CDH8: variants seen among roughly 807,000 people sequenced by gnomAD.
CDH8 encodes the protein cadherin-8.
CDH8 carries 17 observed loss-of-function variants against 68.1 expected under a neutral mutation model. The ratio of observed to expected loss-of-function variants is 0.25; its 90% CI spans 0.17 to 0.37. CDH8 has a LOEUF of 0.37. Among genes scored for constraint, CDH8 ranks in the 10% least tolerant of loss-of-function variants. The probability of loss-of-function intolerance (pLI) is 1.00; values close to 1 mark genes in which losing one functional copy is unlikely to be tolerated. For missense variants in CDH8, 763 were observed against 999.3 expected (o/e 0.76, Z 3.19); for synonymous variants, 372 against 365.1 (o/e 1.02, Z -0.21).
intron 3 of CDH8, among the ~76,000 whole-genome samples, chr16:61,868,525 C>A (rs1174523391): frequency 2.0e-5 from 3 of 152,044 alleles, no homozygotes; most frequent in Non-Finnish European, 4.4e-5. Flanking sequence ...AGAGTTGAAC[C>A]CAGTCCCAAC....
chr16:61,837,978 G>T lies in CDH8; in HGVS notation c.668-12799C>A, dbSNP rs1264319806. Among the ~76,000 whole-genome samples the T allele has an allele frequency of 2.0e-5, 3 of 152,084 alleles. No homozygotes were observed. In the East Asian group the frequency reaches 5.8e-4, roughly 30 times the overall value. ...AAAAACACTTAGAACAGAAAGTGAG[G>T]TGGATGCTCTAGTTAATAGAGAGTT... On this transcript the variant is annotated intron_variant, in intron 4 of 11. Coordinates refer to ENST00000577390, the MANE Select transcript of CDH8 (RefSeq NM_001796.5).
chr16:61,974,767 C>G (rs1229469583), intron 2 of CDH8, among the ~76,000 whole-genome samples: 1 of 152,102 alleles, frequency 6.6e-6, no homozygotes, highest in Non-Finnish European at 1.5e-5. Flanking sequence ...GATCGTAATA[C>G]CCAGCAGATC....
intron 8 of CDH8, among the ~76,000 whole-genome samples, chr16:61,739,656 G>T (rs1207385197): frequency 2.0e-5 from 3 of 148,704 alleles, no homozygotes; most frequent in Non-Finnish European, 4.4e-5. Flanking sequence ...ATGTATTGTT[G>T]AATATCTACT....
chr16:61,991,692 A>C (rs1239623512), intron 2 of CDH8, among the ~76,000 whole-genome samples: 1 of 152,160 alleles, frequency 6.6e-6, no homozygotes, highest in Non-Finnish European at 1.5e-5. Flanking sequence ...AAAACTTGGA[A>C]GTTATCCAAG....
chr16:61,653,342 G>T lies in CDH8; in HGVS notation c.*266C>A. 8.1e-7 allele frequency: 1 copy of T among 1,227,278 alleles called. No homozygotes were observed. Among genetic ancestry groups the T allele is most frequent in the South Asian group, 3.5e-5 (1 of 28,618 alleles). 76.0% of individuals were successfully genotyped at this position (1,227,278 alleles called of 1,614,324 possible). A position where few individuals can be genotyped will look rare whatever the true frequency, so the allele number is the denominator to read the frequency against. ...TTAGCCAGGATCCCAATCTTTGTCT[G>T]TGGTGGTCAGGTAAATATCAAATAT... is the stretch of plus-strand genomic sequence containing the variant. On this transcript the variant is annotated 3_prime_UTR_variant, in exon 12 of 12. Coordinates refer to ENST00000577390, the MANE Select transcript of CDH8 (RefSeq NM_001796.5).
In CDH8 at chr16:61,818,284, T is replaced by C. The variant is rs146511648; in HGVS notation, c.1024-552A>G. Among the ~76,000 whole-genome samples the C allele has an allele frequency of 9.6e-4, 146 of 152,236 alleles. 1 individual carries two copies. Among genetic ancestry groups the C allele is most frequent in the Middle Eastern group, 6.8e-3 (2 of 292 alleles). On this transcript the variant is annotated intron_variant, in intron 6 of 11. Coordinates refer to ENST00000577390, the MANE Select transcript of CDH8 (RefSeq NM_001796.5). ...TGATTTCACTTTAAAGCATTGCTAC[T>C]CTACTGATCATGTGGTTAAAATGAG...
intron 3 of CDH8, among the ~76,000 whole-genome samples, chr16:61,877,041 C>A (rs553530406): frequency 1.3e-5 from 2 of 152,198 alleles, no homozygotes; most frequent in South Asian, 2.1e-4. Context: ...CTTTAAGAAA[C>A]CTGAAAGATA....
At chr16:61,919,108 T>A (rs1183701701) in intron 2 of CDH8, among the ~76,000 whole-genome samples, 1 of 145,632 alleles carries the variant, frequency 6.9e-6, no homozygotes, top group Non-Finnish European at 1.5e-5. Flanking sequence ...GAGGGTCCTG[T>A]CTGTTAGAAG....
intron 3 of CDH8, among the ~76,000 whole-genome samples, chr16:61,888,155 C>A (rs1276115350): frequency 6.6e-6 from 1 of 152,146 alleles, no homozygotes; most frequent in Non-Finnish European, 1.5e-5. Context: ...GCTCACAGCT[C>A]CTCCGGCTTC....
intron 2 of CDH8, among the ~76,000 whole-genome samples, chr16:61,966,078 C>CA (rs889657382): frequency 2.0e-5 from 3 of 152,168 alleles, no homozygotes; most frequent in South Asian, 2.1e-4. Flanking sequence ...GATTTTATCG[C>CA]AAAAAACTTT....
Position 62,013,261 on chromosome 16 carries a change from C to CCAAA in CDH8, c.252+7890_252+7891insTTTG, listed in dbSNP as rs1231682841. Among the ~76,000 whole-genome samples the CCAAA allele has an allele frequency of 3.1e-4, 2 of 6,408 alleles. 1 individual carries two copies. Among genetic ancestry groups the CCAAA allele is most frequent in the East Asian group, 0.017 (2 of 116 alleles). 4.2% of individuals were successfully genotyped at this position (6,408 alleles called of 152,430 possible). A position where few individuals can be genotyped will look rare whatever the true frequency, so the allele number is the denominator to read the frequency against. On this transcript the variant is annotated intron_variant, in intron 2 of 11. Coordinates refer to ENST00000577390, the MANE Select transcript of CDH8 (RefSeq NM_001796.5). ...TGGGCGACAGAGCGAGACTCCGTCT[C>CCAAA]AAAAAAAAAAAAAAAAAAAAAAAAA...
chr16:61,940,825 G>A (rs2143535505), intron 2 of CDH8: 1 of 152,274 alleles, frequency 6.6e-6, no homozygotes, highest in South Asian at 2.1e-4. Context: ...AATGCAATAC[G>A]GAACACCTGG....
intron 7 of CDH8, among the ~76,000 whole-genome samples, chr16:61,790,187 T>C: frequency 6.6e-6 from 1 of 152,052 alleles, no homozygotes; most frequent in Admixed American, 6.6e-5. Context: ...TATTAGTAGT[T>C]CTTTTATCAA....
intron 10 of CDH8, among the ~76,000 whole-genome samples, chr16:61,663,386 G>A (rs1963606492): frequency 6.6e-6 from 1 of 151,924 alleles, no homozygotes; most frequent in Non-Finnish European, 1.5e-5. Flanking sequence ...AATGCTAAAG[G>A]CAGTCATCTT....
At chr16:62,030,979 AAAG>A (rs919051798) in intron 1 of CDH8, among the ~76,000 whole-genome samples, 2 of 152,166 alleles carry the variant, frequency 1.3e-5, no homozygotes, top group South Asian at 2.1e-4. Flanking sequence ...TATGAAAGAA[AAAG>A]AAGGAGGGCA....
chr16:61,652,699 C>T lies in CDH8; in HGVS notation c.*909G>A. On this transcript the variant is annotated 3_prime_UTR_variant, in exon 12 of 12. Coordinates refer to ENST00000577390, the MANE Select transcript of CDH8 (RefSeq NM_001796.5). ...ATAATTTAGTTTTTTCCCATATATC[C>T]CCTTAATCTATAGATTACCGACCTT... 1 of 1,245,928 alleles carries T rather than the reference C, an allele frequency of 8.0e-7. No individual in the cohort carries two copies. Among genetic ancestry groups the T allele is most frequent in the Non-Finnish European group, 1.0e-6 (1 of 989,048 alleles). 77.2% of individuals were successfully genotyped at this position (1,245,928 alleles called of 1,614,324 possible). A position where few individuals can be genotyped will look rare whatever the true frequency, so the allele number is the denominator to read the frequency against.
Position 62,010,955 on chromosome 16 carries a change from A to AG in CDH8, c.252+10196_252+10197insC, listed in dbSNP as rs397789747. ...CGAAACTCCATTTCAAAAAAAAAAA[A>AG]CAAACCCTCTTTTTCTCCCCCATTT... On this transcript the variant is annotated intron_variant, in intron 2 of 11. Coordinates refer to ENST00000577390, the MANE Select transcript of CDH8 (RefSeq NM_001796.5). 2.6e-4 allele frequency among the ~76,000 whole-genome samples: 40 copies of AG among 151,158 alleles called. 1 individual carries two copies. Among genetic ancestry groups the AG allele is most frequent in the South Asian group, 8.4e-4 (4 of 4,766 alleles).
At chr16:61,783,527 A>T (rs1344289112) in intron 8 of CDH8, among the ~76,000 whole-genome samples, 2 of 151,750 alleles carry the variant, frequency 1.3e-5, no homozygotes, top group African/African-American at 4.9e-5. Context: ...GATATTATCC[A>T]GGAGAACTTC....
chr16:61,832,391 A>AG (rs1962480381), intron 4 of CDH8, among the ~76,000 whole-genome samples: 1 of 146,496 alleles, frequency 6.8e-6, no homozygotes, highest in Admixed American at 6.9e-5. Flanking sequence ...TACATAGAGA[A>AG]ATAGAGAGGG....
Sources: gnomAD v4.1 joint callset for allele counts (sites outside exome capture counted in the v4.1 genomes callset) on GRCh38, gnomAD v4.1.1 for gene constraint, MANE v1.5 for transcripts, NCBI Gene and HGNC (gene_info 2026-07-23, HGNC 2026-07-21) for gene names.